CBR4: variants seen among roughly 807,000 people sequenced by gnomAD.
CBR4 encodes the protein 3-oxoacyl-[acyl-carrier-protein] reductase.
In CBR4, 22 loss-of-function variants were observed where a neutral mutation model predicts 21.0. That is an observed-to-expected ratio of 1.05 (90% CI 0.75 to 1.50). CBR4 has a LOEUF of 1.50. CBR4 is among the 40% of genes most tolerant of loss of function. The probability of loss-of-function intolerance (pLI) is 0.00; values close to 1 mark genes in which losing one functional copy is unlikely to be tolerated. For synonymous variants in CBR4, 100 were observed against 104.4 expected (o/e 0.96, Z 0.26); for missense variants, 302 against 286.3 (o/e 1.05, Z -0.40).
At chr4:168,898,269 C>A in intron 2 of CBR4, 1 of 572,950 alleles carries the variant, frequency 1.7e-6, no homozygotes, top group South Asian at 2.1e-5. Context: ...CTTTCCTACC[C>A]CCCTCTTTTT....
chr4:168,970,426 TTTTTG>T (rs1764170313), intron 2 of CBR4, among the ~76,000 whole-genome samples: 2 of 152,342 alleles, frequency 1.3e-5, no homozygotes, highest in African/African-American at 2.4e-5. Flanking sequence ...CCCTACCTGA[TTTTTG>T]TTTTATGTCC....
At chr4:168,931,016 G>A (rs1305932582) in intron 2 of CBR4, among the ~76,000 whole-genome samples, 1 of 152,158 alleles carries the variant, frequency 6.6e-6, no homozygotes, top group South Asian at 2.1e-4. Flanking sequence ...ATTCCACCAA[G>A]CACACATGGG....
rs28622011 is a variant in CBR4 at position 169,006,461 on chromosome 4, C to A, written c.400+294G>T. On this transcript the variant is annotated intron_variant, in intron 3 of 4. Transcript: ENST00000306193. ...CAATCTACTGAATCTAAGTGGTGGC[C>A]TCCACCATTCCATATGGGCTCTGGA... 7.6e-3 allele frequency among the ~76,000 whole-genome samples: 1,159 copies of A among 152,272 alleles called. 17 individuals are homozygous for A. Among genetic ancestry groups the A allele is most frequent in the African/African-American group, 0.026 (1,082 of 41,550 alleles).
intron 2 of CBR4, among the ~76,000 whole-genome samples, chr4:168,949,475 C>T (rs1763480592): frequency 6.6e-6 from 1 of 152,142 alleles, no homozygotes; most frequent in Non-Finnish European, 1.5e-5. Context: ...CAACTTTTCC[C>T]TACTCAGTAT....
intron 4 of CBR4, among the ~76,000 whole-genome samples, chr4:168,995,883 T>C (rs538772985): frequency 2.4e-4 from 36 of 152,154 alleles, no homozygotes; most frequent in Admixed American, 1.8e-3. Context: ...TTGTTAAATG[T>C]TATAGCCTGG....
rs199522438 is a variant in CBR4 at position 169,002,898 on chromosome 4, CATT to C, written c.401-696_401-694del. On this transcript the variant is annotated intron_variant, in intron 3 of 4. Transcript: ENST00000306193. ...ATTTTCATACCATCTTAAATTTTTT[CATT>C]ATTATTACATCTGTTATAATGATCT... Among the ~76,000 whole-genome samples the C allele has an allele frequency of 4.4e-3, 670 of 152,108 alleles. 7 individuals carry two copies. The highest frequency in any genetic ancestry group is 0.015 in the African/African-American group (638 of 41,520).
At chr4:168,956,431 CA>C (rs1389291680) in intron 2 of CBR4, among the ~76,000 whole-genome samples, 2 of 147,906 alleles carry the variant, frequency 1.4e-5, no homozygotes, top group Admixed American at 1.3e-4. Flanking sequence ...CCTGTCTCCA[CA>C]AAAAAAAACA....
At position 168,924,242 on chromosome 4, in the gene CBR4, C is replaced by T; in HGVS notation, n.170-29477G>A. On this transcript the variant is annotated intron_variant and non_coding_transcript_variant, in intron 2 of 3. Coordinates refer to the CBR4 transcript ENST00000509108. ...TATATCATTGATAGAGAATTCATCT[C>T]ATGTTTTCTTAGCTAAAGAAGCACA... 3 of 1,610,978 alleles carry T rather than the reference C, an allele frequency of 1.9e-6. No individual in the cohort carries two copies. The highest frequency in any genetic ancestry group is 2.5e-6 in the Non-Finnish European group (3 of 1,177,240).
chr4:168,932,016 AG>A (rs1762983254), intron 2 of CBR4, among the ~76,000 whole-genome samples: 2 of 152,216 alleles, frequency 1.3e-5, no homozygotes, highest in South Asian at 4.1e-4. Flanking sequence ...ATCAACATCA[AG>A]GAACATATCA....
chr4:168,995,416 T>G (rs1765145788), intron 4 of CBR4, among the ~76,000 whole-genome samples: 2 of 152,068 alleles, frequency 1.3e-5, no homozygotes, highest in African/African-American at 2.4e-5. Context: ...GAATAAGGCA[T>G]GAGATACTGG....
chr4:168,957,983 C>T (rs1012611368), intron 2 of CBR4, among the ~76,000 whole-genome samples: 14 of 152,172 alleles, frequency 9.2e-5, no homozygotes, highest in Admixed American at 5.2e-4. Flanking sequence ...CTGTAAGTTT[C>T]CTGAGGCCTC....
chr4:168,947,626 A>G (rs1763428675), intron 2 of CBR4, among the ~76,000 whole-genome samples: 1 of 152,168 alleles, frequency 6.6e-6, no homozygotes, highest in African/African-American at 2.4e-5. Context: ...TATCAGTGAG[A>G]ACATATGATG....
intron 2 of CBR4, among the ~76,000 whole-genome samples, chr4:168,922,440 A>G (rs1294693895): frequency 6.6e-6 from 1 of 152,216 alleles, no homozygotes; most frequent in Admixed American, 6.5e-5. Flanking sequence ...TGGCCCTCAC[A>G]TGAGCCTTAT....
At chr4:168,953,425 T>C (rs1191438189) in intron 2 of CBR4, among the ~76,000 whole-genome samples, 2 of 150,086 alleles carry the variant, frequency 1.3e-5, no homozygotes, top group East Asian at 3.9e-4. Flanking sequence ...TGATCTGCAT[T>C]TTTTTTTTTG....
At chr4:168,916,106 G>GA (rs778696691) in intron 2 of CBR4, 2 of 1,360,810 alleles carry the variant, frequency 1.5e-6, no homozygotes, top group Non-Finnish European at 2.1e-6. Flanking sequence ...TCCTTTTGGG[G>GA]AAATTACATA....
chr4:168,974,730 G>A (rs1334923690), intron 2 of CBR4, among the ~76,000 whole-genome samples: 7 of 152,038 alleles, frequency 4.6e-5, no homozygotes, highest in Non-Finnish European at 1.0e-4. Flanking sequence ...ATTTCACTAA[G>A]TGTCTGTTTC....
intron 2 of CBR4, among the ~76,000 whole-genome samples, chr4:168,972,959 G>A (rs775840088): frequency 1.3e-5 from 2 of 152,114 alleles, no homozygotes; most frequent in African/African-American, 2.4e-5. Flanking sequence ...CTTCTGTACC[G>A]ATTTTGCTGA....
At chr4:168,984,858 T>C (rs1156747200), downstream of CBR4, among the ~76,000 whole-genome samples, 5 of 152,132 alleles carry the variant, frequency 3.3e-5, no homozygotes, top group Non-Finnish European at 7.4e-5. Flanking sequence ...TGGCTAGACA[T>C]ATGCAGAAAA....
downstream of CBR4, among the ~76,000 whole-genome samples, chr4:168,984,538 C>T (rs1185317886): frequency 6.6e-6 from 1 of 152,032 alleles, no homozygotes. Context: ...ACATTTTTAA[C>T]ATAATTACAA....
Sources: allele counts gnomAD v4.1 joint callset (sites outside exome capture counted in the v4.1 genomes callset), GRCh38; gene constraint gnomAD v4.1.1; transcripts MANE v1.5; gene names NCBI Gene and HGNC (gene_info 2026-07-23, HGNC 2026-07-21).